PXDNL: variants seen among roughly 807,000 people sequenced by gnomAD.
PXDNL encodes probable oxidoreductase PXDNL.
PXDNL carries 145 observed loss-of-function variants against 150.8 expected under a neutral mutation model. The ratio of observed to expected loss-of-function variants is 0.96; its 90% CI spans 0.84 to 1.10. The LOEUF (loss-of-function observed/expected upper bound fraction) is 1.10. PXDNL is among the 50% of genes least tolerant of loss of function. PXDNL has a pLI of 0.00. For synonymous variants in PXDNL, 757 were observed against 725.7 expected, an observed-to-expected ratio of 1.04 and a Z score of -0.69; for missense variants, 2,087 against 1,873.9, an observed-to-expected ratio of 1.11 and a Z score of -2.10.
rs539375231 is a variant in PXDNL at position 51,569,183 on chromosome 8, C to T, written c.309-12272G>A. 7.9e-5 allele frequency among the ~76,000 whole-genome samples: 12 copies of T among 151,784 alleles called. No homozygotes were observed. The South Asian group carries it at 1.0e-3, about 13-fold the overall frequency. ...TAATTTTTTTAAAAGGTGGAAATGA[C>T]GTATCCTGTAACAGGAACTGAGGTA... is the stretch of plus-strand genomic sequence containing the variant. On this transcript the variant is annotated intron_variant, in intron 3 of 22. Transcript: ENST00000356297.
chr8:51,460,528 G>A (rs1196041821), intron 8 of PXDNL, among the ~76,000 whole-genome samples: 1 of 147,616 alleles, frequency 6.8e-6, no homozygotes, highest in African/African-American at 2.5e-5. Context: ...TCTTTTGAGG[G>A]AAAACACTGA....
intron 1 of PXDNL, among the ~76,000 whole-genome samples, chr8:51,748,330 G>A (rs558192092): frequency 2.0e-5 from 3 of 152,258 alleles, no homozygotes; most frequent in Admixed American, 6.5e-5. Context: ...CTTTTAGTGC[G>A]TTTTTCAGAA....
intron 4 of PXDNL, among the ~76,000 whole-genome samples, chr8:51,523,824 A>C (rs1412354957): frequency 6.6e-6 from 1 of 152,220 alleles, no homozygotes; most frequent in Non-Finnish European, 1.5e-5. Flanking sequence ...TTGATTCAAA[A>C]TTGAACTAGA....
At chr8:51,646,517 G>A (rs1814921638) in intron 2 of PXDNL, among the ~76,000 whole-genome samples, 1 of 152,178 alleles carries the variant, frequency 6.6e-6, no homozygotes, top group Non-Finnish European at 1.5e-5. Flanking sequence ...AGCAAAACAA[G>A]CACTGAAGAA....
At chr8:51,499,527 T>A (rs140014040) in intron 5 of PXDNL, among the ~76,000 whole-genome samples, 172 bp downstream of exon 5, 3 of 152,342 alleles carry the variant, frequency 2.0e-5, no homozygotes, top group East Asian at 3.9e-4. Flanking sequence ...CTTTTCTCCA[T>A]TGATCTTAAA....
At chr8:51,636,619 ATAAAT>A (rs1056422154) in intron 2 of PXDNL, among the ~76,000 whole-genome samples, 8 of 152,228 alleles carry the variant, frequency 5.3e-5, no homozygotes, top group Non-Finnish European at 1.2e-4. Context: ...ATGTCTAGAA[ATAAAT>A]TTAATCAAAG....
rs923959337 is a variant in PXDNL, at chr8:51,453,591, G to C, written c.1177C>G (p.His393Asp). The change falls in exon 10 of 23, where the codon CAT (histidine) becomes GAT (aspartate). Residue 393 changes from histidine (H) to aspartate (D), a missense_variant. Coordinates refer to ENST00000356297, the MANE Select transcript of PXDNL (RefSeq NM_144651.5). ...LYLQNITQRD[H>D]GRFTCHANNS... is the part of the protein sequence containing the mutation. ...TTGGCATGACAGGTAAATCGACCATGATCCCGTTGTGTGATGTTCTGTAAG... is the reference window on the plus strand; with the variant it reads ...TTGGCATGACAGGTAAATCGACCATCATCCCGTTGTGTGATGTTCTGTAAG... 6.2e-7 allele frequency: 1 copy of C among 1,613,992 alleles called. No homozygotes were observed.
intron 3 of PXDNL, among the ~76,000 whole-genome samples, chr8:51,587,247 A>G (rs917475282): frequency 3.9e-5 from 6 of 152,188 alleles, no homozygotes; most frequent in African/African-American, 1.4e-4. Context: ...TGCTAAATCA[A>G]AGAAAAGAAG....
chr8:51,795,145 A>G (rs1448911348), intron 1 of PXDNL, among the ~76,000 whole-genome samples: 1 of 152,200 alleles, frequency 6.6e-6, no homozygotes, highest in African/African-American at 2.4e-5. Flanking sequence ...ATTCATAAAA[A>G]AAGCTCTTAG....
At chr8:51,548,108 AAG>A (rs1554551761) in intron 4 of PXDNL, among the ~76,000 whole-genome samples, 28 of 143,250 alleles carry the variant, frequency 2.0e-4, no homozygotes, top group East Asian at 2.0e-3. Flanking sequence ...AAAAAAAAAA[AAG>A]AAGGCTTTTG....
chr8:51,397,587 T>C (rs1808122162), intron 17 of PXDNL, among the ~76,000 whole-genome samples: 1 of 152,192 alleles, frequency 6.6e-6, no homozygotes, highest in Admixed American at 6.5e-5. Context: ...ATAGTTGCAA[T>C]GTACTGTAAG....
intron 3 of PXDNL, among the ~76,000 whole-genome samples, chr8:51,570,310 C>T (rs1391655404): frequency 2.6e-5 from 4 of 151,808 alleles, no homozygotes; most frequent in African/African-American, 9.7e-5. Flanking sequence ...GCCCACCCAT[C>T]CGGAGAGATG....
At chr8:51,796,819 T>C (rs555141875) in intron 1 of PXDNL, among the ~76,000 whole-genome samples, 21 of 152,200 alleles carry the variant, frequency 1.4e-4, no homozygotes, top group Non-Finnish European at 2.4e-4. Flanking sequence ...ACCTAACTCA[T>C]TTTATGAAGC....
chr8:51,366,910 G>T (rs1248860166), intron 19 of PXDNL, among the ~76,000 whole-genome samples: 1 of 151,850 alleles, frequency 6.6e-6, no homozygotes, highest in Non-Finnish European at 1.5e-5. Flanking sequence ...AGACCATCCT[G>T]GTCAACATGG....
intron 4 of PXDNL, among the ~76,000 whole-genome samples, chr8:51,539,221 T>A (rs1268159157): frequency 6.6e-6 from 1 of 152,248 alleles, no homozygotes; most frequent in Admixed American, 6.5e-5. Flanking sequence ...TATATTGAGA[T>A]GTTTTTATTA....
chr8:51,405,984 T>A (rs1808425074), intron 17 of PXDNL, among the ~76,000 whole-genome samples: 1 of 152,092 alleles, frequency 6.6e-6, no homozygotes, highest in South Asian at 2.1e-4. Context: ...GGCTACTGAG[T>A]GAATGCTCAA....
chr8:51,637,394 A>G (rs1392678115), intron 2 of PXDNL, among the ~76,000 whole-genome samples: 1 of 152,184 alleles, frequency 6.6e-6, no homozygotes, highest in African/African-American at 2.4e-5. Context: ...CAGACGATCA[A>G]ACTTACCTGA....
chr8:51,631,145 T>C (rs968495226), intron 2 of PXDNL, among the ~76,000 whole-genome samples: 2 of 151,720 alleles, frequency 1.3e-5, no homozygotes, highest in Non-Finnish European at 2.9e-5. Flanking sequence ...ATGGATGGAG[T>C]TGGAGGACAT....
intron 3 of PXDNL, among the ~76,000 whole-genome samples, chr8:51,581,077 C>A (rs1270444809): frequency 6.6e-6 from 1 of 151,904 alleles, no homozygotes; most frequent in African/African-American, 2.4e-5. Flanking sequence ...TCTTGAGTAG[C>A]CTGAAATCAA....
Sources: allele counts gnomAD v4.1 joint callset (sites outside exome capture counted in the v4.1 genomes callset), GRCh38; gene constraint gnomAD v4.1.1; transcripts MANE v1.5; gene names NCBI Gene and HGNC (gene_info 2026-07-23, HGNC 2026-07-21).